The following GRIA4 variants were observed in gnomAD, a reference collection of about 807,000 sequenced individuals.
GRIA4 encodes the protein glutamate receptor 4.
Under a neutral mutation model 104.0 loss-of-function variants are expected in GRIA4, and 34 were observed. That is an observed-to-expected ratio of 0.33 (90% CI 0.25 to 0.44). The LOEUF is 0.44. Among genes scored for constraint, GRIA4 ranks in the 20% least tolerant of loss-of-function variants. The probability of loss-of-function intolerance (pLI) is 1.00; values close to 1 mark genes in which losing one functional copy is unlikely to be tolerated. For missense variants in GRIA4, 750 were observed against 1,096.5 expected (o/e 0.68, Z 4.46); for synonymous variants, 386 against 381.9 (o/e 1.01, Z -0.13).
At position 105,903,898 on chromosome 11, in the gene GRIA4, A is replaced by C. The variant is rs190844281; in HGVS notation, c.970A>C (p.Arg324=). Residue 324 remains arginine, a synonymous_variant, in exon 8 of 17, where the codon AGG becomes CGG. Coordinates refer to ENST00000282499, the MANE Select transcript of GRIA4 (RefSeq NM_000829.4). The stretch of plus-strand genomic sequence containing the variant: ...TAGGAGGCAGAAAATTGATATCTCA[A>C]GGAGAGGAAATGCTGGGGATTGTCT... ...SLRRQKIDIS[R]RGNAGDCLAN... 27 of 1,613,124 alleles carry C rather than the reference A, an allele frequency of 1.7e-5. No individual in the cohort carries two copies. Among genetic ancestry groups the C allele is most frequent in the Non-Finnish European group, 2.2e-5 (26 of 1,179,102 alleles).
chr11:105,634,994 T>C (rs1951166022), intron 3 of GRIA4, among the ~76,000 whole-genome samples: 1 of 152,166 alleles, frequency 6.6e-6, no homozygotes, highest in East Asian at 1.9e-4. Context: ...ACTATGATGA[T>C]AACATTTCAC....
chr11:105,737,058 T>C (rs1298079463), intron 3 of GRIA4, among the ~76,000 whole-genome samples: 1 of 152,150 alleles, frequency 6.6e-6, no homozygotes, highest in Non-Finnish European at 1.5e-5. Flanking sequence ...TATTCTGTAA[T>C]ATTCTAATAA....
At chr11:105,767,799 A>G (rs1941019556) in intron 4 of GRIA4, among the ~76,000 whole-genome samples, 1 of 152,162 alleles carries the variant, frequency 6.6e-6, no homozygotes, top group African/African-American at 2.4e-5. Flanking sequence ...CATAGAGATT[A>G]AAAACCTCAT....
rs112797181 is a variant in GRIA4 at position 105,960,523 on chromosome 11, G to T, written c.2295-11391G>T. On this transcript the variant is annotated intron_variant, in intron 14 of 16. Transcript: ENST00000282499. ...GGGAAAAGCACAGCCTGGAGCTATAGAAATGGGTGCTGCCCTTCCCCCACC... is the reference window on the plus strand; with the variant it reads ...GGGAAAAGCACAGCCTGGAGCTATATAAATGGGTGCTGCCCTTCCCCCACC... 3.2e-3 allele frequency among the ~76,000 whole-genome samples: 483 copies of T among 152,330 alleles called. 6 individuals are homozygous for T. The highest frequency in any genetic ancestry group is 0.011 in the African/African-American group (463 of 41,592).
Position 105,979,898 on chromosome 11 carries a change from C to G in GRIA4, c.*159C>G. 1.9e-6 allele frequency: 1 copy of G among 520,498 alleles called. No individual in the cohort carries two copies. Among genetic ancestry groups the G allele is most frequent in the East Asian group, 3.0e-5 (1 of 33,432 alleles). The allele number at this position is 520,498 out of a possible 1,614,324, so 32.2% of individuals were successfully genotyped here. On this transcript the variant is annotated 3_prime_UTR_variant, in exon 17 of 17. Coordinates refer to ENST00000282499, the MANE Select transcript of GRIA4 (RefSeq NM_000829.4). ...GCTGGCCGGACATCAGCAGCAGCAA[C>G]GTGTGCATGAGCTCAGCTCGGAAAC... is the stretch of plus-strand genomic sequence containing the variant.
intron 4 of GRIA4, among the ~76,000 whole-genome samples, chr11:105,840,374 C>T (rs1429699662): frequency 1.3e-5 from 2 of 152,178 alleles, no homozygotes; most frequent in Non-Finnish European, 2.9e-5. Flanking sequence ...GTCACCAAAA[C>T]ATTTATTCTT....
At chr11:105,953,357 C>G (rs1331648991) in intron 14 of GRIA4, among the ~76,000 whole-genome samples, 1 of 152,106 alleles carries the variant, frequency 6.6e-6, no homozygotes, top group Non-Finnish European at 1.5e-5. Context: ...AAATTCTCAG[C>G]TTTTTTGCTT....
At chr11:105,978,075 T>A (rs1859078218) in intron 16 of GRIA4, among the ~76,000 whole-genome samples, 1 of 152,096 alleles carries the variant, frequency 6.6e-6, no homozygotes, top group South Asian at 2.1e-4. Context: ...CCCTTTTTAG[T>A]GTACAGTTCT....
chr11:105,650,127 A>G (rs954764550), intron 3 of GRIA4, among the ~76,000 whole-genome samples: 1 of 152,234 alleles, frequency 6.6e-6, no homozygotes, highest in Non-Finnish European at 1.5e-5. Context: ...TGTTGAGGGA[A>G]TAATTAAATG....
At chr11:105,889,764 AT>A (rs1343162919) in intron 6 of GRIA4, among the ~76,000 whole-genome samples, 8 of 152,216 alleles carry the variant, frequency 5.3e-5, no homozygotes, top group Non-Finnish European at 1.0e-4. Context: ...TTATATGTAT[AT>A]AAAAATACTA....
chr11:105,966,791 A>G (rs1308518912), intron 14 of GRIA4, among the ~76,000 whole-genome samples: 1 of 152,184 alleles, frequency 6.6e-6, no homozygotes, highest in Non-Finnish European at 1.5e-5. Context: ...TTCACTATAT[A>G]TCAGTATTTT....
intron 5 of GRIA4, among the ~76,000 whole-genome samples, chr11:105,885,364 G>C (rs577322089): frequency 6.6e-6 from 1 of 152,178 alleles, no homozygotes; most frequent in Admixed American, 6.5e-5. Context: ...TTCATGGTAA[G>C]ATTCTCAAGG....
chr11:105,906,719 G>A (rs1346008368), intron 9 of GRIA4, among the ~76,000 whole-genome samples: 2 of 152,202 alleles, frequency 1.3e-5, no homozygotes. Flanking sequence ...GATGGCAGCC[G>A]GGGGGCCCAG....
intron 14 of GRIA4, among the ~76,000 whole-genome samples, chr11:105,960,291 C>T (rs1591488716): frequency 6.6e-6 from 1 of 152,240 alleles, no homozygotes; most frequent in South Asian, 2.1e-4. Flanking sequence ...GATGCTAATT[C>T]TGTCCCTGAG....
At chr11:105,780,670 C>T (rs1039922477) in intron 4 of GRIA4, among the ~76,000 whole-genome samples, 1 of 152,022 alleles carries the variant, frequency 6.6e-6, no homozygotes, top group Non-Finnish European at 1.5e-5. Context: ...AATGCCACTG[C>T]CTTTTTGTTC....
chr11:105,958,648 T>C (rs533756035), intron 14 of GRIA4, among the ~76,000 whole-genome samples: 42 of 152,216 alleles, frequency 2.8e-4, no homozygotes, highest in African/African-American at 9.6e-4. Context: ...TAGGGAGGAT[T>C]CTCTCTTTTT....
At chr11:105,834,658 G>C (rs976310516) in intron 4 of GRIA4, among the ~76,000 whole-genome samples, 8 of 151,208 alleles carry the variant, frequency 5.3e-5, no homozygotes, top group Non-Finnish European at 1.0e-4. Context: ...ATGAAACATA[G>C]AGTTATTTAA....
At chr11:105,654,598 A>C (rs1951788116) in intron 3 of GRIA4, among the ~76,000 whole-genome samples, 1 of 152,150 alleles carries the variant, frequency 6.6e-6, no homozygotes, top group East Asian at 1.9e-4. Flanking sequence ...AAAGAAGAGA[A>C]AATGATTACT....
At chr11:105,872,882 A>G (rs1591377502) in intron 5 of GRIA4, among the ~76,000 whole-genome samples, 1 of 151,988 alleles carries the variant, frequency 6.6e-6, no homozygotes, top group South Asian at 2.1e-4. Flanking sequence ...TTATTTTTTA[A>G]TTTACTGAGA....
Sources: gnomAD v4.1 joint callset for allele counts (sites outside exome capture counted in the v4.1 genomes callset) on GRCh38, gnomAD v4.1.1 for gene constraint, MANE v1.5 for transcripts, NCBI Gene and HGNC (gene_info 2026-07-23, HGNC 2026-07-21) for gene names.